STAU1: variants seen among roughly 807,000 people sequenced by gnomAD.
STAU1 encodes staufen double-stranded RNA binding protein 1, also known as double-stranded RNA-binding protein Staufen homolog 1.
STAU1 carries 13 observed loss-of-function variants against 62.9 expected under a neutral mutation model. The ratio of observed to expected loss-of-function variants is 0.21; its 90% CI spans 0.13 to 0.33. The LOEUF is 0.33. Among genes scored for constraint, STAU1 ranks in the 10% least tolerant of loss-of-function variants. The pLI, the probability that STAU1 is intolerant of heterozygous loss-of-function variation, is 1.00. For missense variants in STAU1, 571 were observed against 712.1 expected (o/e 0.80, Z 2.25); for synonymous variants, 269 against 265.1 (o/e 1.01, Z -0.14).
At chr20:49,202,709 GA>G in the STAU1 span, among the ~76,000 whole-genome samples, 5 of 151,606 alleles carry the variant, frequency 3.3e-5, no homozygotes, top group Non-Finnish European at 5.9e-5. Flanking sequence ...ACAACGTAGG[GA>G]AACCATGTCT....
chr20:49,184,982 C>T (rs1235412535), intron 1 of STAU1, among the ~76,000 whole-genome samples: 1 of 152,098 alleles, frequency 6.6e-6, no homozygotes, highest in East Asian at 1.9e-4. Flanking sequence ...TGTCAACTTC[C>T]ATTGTAAGAG....
chr20:49,171,317 C>A (rs1426980926), intron 2 of STAU1, among the ~76,000 whole-genome samples: 1 of 152,196 alleles, frequency 6.6e-6, no homozygotes, highest in Non-Finnish European at 1.5e-5. Context: ...TTTATTGAGA[C>A]GGAGTCTCGC....
At chr20:49,131,222 T>TACTAAAGATACTGCAGAG (rs1414221647) in intron 6 of STAU1, among the ~76,000 whole-genome samples, 25 of 152,296 alleles carry the variant, frequency 1.6e-4, no homozygotes, top group African/African-American at 6.0e-4. Flanking sequence ...GTACTGCAGA[T>TACTAAAGATACTGCAGAG]ACTAAAGATA....
rs568331615 is a variant in STAU1 at position 49,157,722 on chromosome 20, C to T, written c.206-3651G>A. Among the ~76,000 whole-genome samples, 765 of 152,002 alleles carry T rather than the reference C, an allele frequency of 5.0e-3. 9 individuals are homozygous for T. Among genetic ancestry groups the T allele is most frequent in the African/African-American group, 0.017 (715 of 41,478 alleles). On this transcript the variant is annotated intron_variant, in intron 3 of 13. Coordinates refer to ENST00000371856, the MANE Select transcript of STAU1 (RefSeq NM_017453.4). ...CTTGGTCTCTTGACCTTGTGAACTG[C>T]CCGCCTTGGACTCTCAAAGTGCTGG...
rs564012845 is a variant in STAU1 at position 49,124,304 on chromosome 20, G to A, written c.822+71C>T. 2.1e-5 allele frequency: 32 copies of A among 1,513,950 alleles called. 1 individual carries two copies. The South Asian group carries it at 3.0e-4, about 14-fold the overall frequency. The allele number at this position is 1,513,950 out of a possible 1,614,324, so 93.8% of individuals were successfully genotyped here. A position where few individuals can be genotyped will look rare whatever the true frequency, so the allele number is the denominator to read the frequency against. On this transcript the variant is annotated intron_variant, in intron 7 of 13. Transcript: ENST00000371856. Reference sequence around the variant, plus strand: ...CATCCCCTTTCACCTTGGGGACAGCGACCAGCCTTCTAAACCCCCCACCCA... The same window carrying A: ...CATCCCCTTTCACCTTGGGGACAGCAACCAGCCTTCTAAACCCCCCACCCA...
chr20:49,124,156 G>A (rs2092536300), intron 7 of STAU1, among the ~76,000 whole-genome samples: 1 of 152,222 alleles, frequency 6.6e-6, no homozygotes, highest in South Asian at 2.1e-4. Flanking sequence ...CTCCTGCACA[G>A]ATGTGTGTGC....
At chr20:49,141,601 C>T (rs986922376) in intron 5 of STAU1, among the ~76,000 whole-genome samples, 1 of 152,150 alleles carries the variant, frequency 6.6e-6, no homozygotes, top group African/African-American at 2.4e-5. Flanking sequence ...CATCTCAAAA[C>T]ACAAGGCAAC....
intron 2 of STAU1, among the ~76,000 whole-genome samples, chr20:49,171,137 T>C (rs988803093): frequency 6.6e-6 from 1 of 152,216 alleles, no homozygotes; most frequent in Admixed American, 6.5e-5. Flanking sequence ...AAATCTATTA[T>C]TCTGTTCTCT....
At chr20:49,155,495 C>T (rs1328933986) in intron 3 of STAU1, among the ~76,000 whole-genome samples, 9 of 152,126 alleles carry the variant, frequency 5.9e-5, no homozygotes, top group Non-Finnish European at 1.5e-5. Context: ...AAAAACAACA[C>T]TTTCATATCA....
chr20:49,176,629 G>C (rs1250401316), intron 1 of STAU1, among the ~76,000 whole-genome samples: 1 of 152,112 alleles, frequency 6.6e-6, no homozygotes, highest in Non-Finnish European at 1.5e-5. Context: ...TAACAGCTCA[G>C]GTTCTTTTCA....
chr20:49,130,720 T>G (rs907935009), intron 6 of STAU1, among the ~76,000 whole-genome samples: 1 of 152,208 alleles, frequency 6.6e-6, no homozygotes, highest in Non-Finnish European at 1.5e-5. Context: ...ACCACAGTGA[T>G]AATCAATGCC....
the STAU1 span, among the ~76,000 whole-genome samples, chr20:49,197,541 C>T: frequency 6.6e-6 from 1 of 151,736 alleles, no homozygotes; most frequent in South Asian, 2.1e-4. Flanking sequence ...GCTGGGATTA[C>T]AGGCATGTGC....
intron 5 of STAU1, among the ~76,000 whole-genome samples, chr20:49,140,047 G>A (rs1253867492): frequency 4.0e-5 from 6 of 151,790 alleles, no homozygotes; most frequent in South Asian, 2.1e-4. Flanking sequence ...TTAGCTGAGC[G>A]TGGTGACGCG....
chr20:49,200,230 CA>C, the STAU1 span, among the ~76,000 whole-genome samples: 1 of 152,120 alleles, frequency 6.6e-6, no homozygotes, highest in Non-Finnish European at 1.5e-5. Context: ...TGGAGACAAT[CA>C]AAATGTCCTT....
At chr20:49,155,296 G>GT (rs1227165325) in intron 3 of STAU1, among the ~76,000 whole-genome samples, 2 of 152,122 alleles carry the variant, frequency 1.3e-5, no homozygotes, top group Non-Finnish European at 2.9e-5. Flanking sequence ...TTGACCTGTG[G>GT]TCATACTTGC....
At chr20:49,180,332 T>TC (rs3091763) in intron 1 of STAU1, among the ~76,000 whole-genome samples, 52,893 of 146,374 alleles carry the variant, frequency 0.36, 10,334 homozygotes, top group African/African-American at 0.53. Context: ...TTTTTTTTTT[T>TC]CCCCCCCTGG....
chr20:49,166,456 C>T (rs948567375), intron 2 of STAU1, among the ~76,000 whole-genome samples, 171 bp from the exon 3 acceptor site: 2 of 152,178 alleles, frequency 1.3e-5, no homozygotes, highest in African/African-American at 2.4e-5. Context: ...CAGTAAGTTT[C>T]TTGGCCTTGT....
At position 49,184,291 on chromosome 20, in the gene STAU1, A is replaced by T. The variant is rs572353194; in HGVS notation, c.-160+3825T>A. ...GCTAAACTCCATCTCAAAAAAAAAA[A>T]TTTTTTTTTTTACCACTTATTCCAG... On this transcript the variant is annotated intron_variant, in intron 1 of 13. Coordinates refer to ENST00000371856, the MANE Select transcript of STAU1 (RefSeq NM_017453.4). 1.5e-3 allele frequency among the ~76,000 whole-genome samples: 225 copies of T among 149,946 alleles called. 1 individual carries two copies. Among genetic ancestry groups the T allele is most frequent in the Middle Eastern group, 6.8e-3 (2 of 292 alleles).
chr20:49,116,635 C>A (rs376095069), intron 12 of STAU1, among the ~76,000 whole-genome samples: 2 of 152,162 alleles, frequency 1.3e-5, no homozygotes, highest in South Asian at 2.1e-4. Context: ...CACACCCCAC[C>A]CAGAGACATT....
Sources: allele counts gnomAD v4.1 joint callset (sites outside exome capture counted in the v4.1 genomes callset), GRCh38; gene constraint gnomAD v4.1.1; transcripts MANE v1.5; gene names NCBI Gene and HGNC (gene_info 2026-07-23, HGNC 2026-07-21).